The following ARHGAP6 variants were observed in gnomAD, a reference collection of about 807,000 sequenced individuals.
ARHGAP6 encodes the protein rho GTPase-activating protein 6.
A neutral mutation model predicts 55.7 loss-of-function variants in ARHGAP6; 16 were observed. The observed-to-expected ratio is 0.29, with a 90% CI of 0.19 to 0.44. The LOEUF (loss-of-function observed/expected upper bound fraction) is 0.44, where lower values mean the gene tolerates loss of function less well. Among genes scored for constraint, ARHGAP6 ranks in the 20% least tolerant of loss-of-function variants. The pLI is 1.00. For synonymous variants in ARHGAP6, 382 were observed against 360.9 expected (o/e 1.06, Z -0.66); for missense variants, 698 against 808.9 (o/e 0.86, Z 1.66).
At chrX:11,392,002 C>T (rs781519510) in intron 1 of ARHGAP6, among the ~76,000 whole-genome samples, 58 of 112,027 alleles carry the variant, frequency 5.2e-4, no homozygotes, top group South Asian at 1.8e-3. Flanking sequence ...AAGCTGGGTG[C>T]TATGTGGGCA....
At chrX:11,383,572 G>A (rs1473588469) in intron 1 of ARHGAP6, among the ~76,000 whole-genome samples, 1 of 111,176 alleles carries the variant, frequency 9.0e-6, no homozygotes, top group Non-Finnish European at 1.9e-5. Flanking sequence ...TGGCTGTACT[G>A]TTCTGACTCA....
At chrX:11,493,635 C>G (rs1450559141) in intron 1 of ARHGAP6, among the ~76,000 whole-genome samples, 2 of 110,772 alleles carry the variant, frequency 1.8e-5, no homozygotes, top group East Asian at 5.7e-4. Context: ...TATCTGGGCC[C>G]CAGACAAGTA....
rs59290872 is a variant in ARHGAP6, at chrX:11,280,745, C to CAA, written c.589-26040_589-26039dup. On this transcript the variant is annotated intron_variant, in intron 1 of 12. Coordinates refer to ENST00000337414, the MANE Select transcript of ARHGAP6 (RefSeq NM_013427.3). ...TGGGCGACAGAGCAAGACCTTGTCTCAAAAAAAAAAAAAAAAAAAATCAAA... is the reference window on the plus strand; with the variant it reads ...TGGGCGACAGAGCAAGACCTTGTCTCAAAAAAAAAAAAAAAAAAAAAATCAAA... Among the ~76,000 whole-genome samples, 47 of 53,032 alleles carry CAA rather than the reference C, an allele frequency of 8.9e-4. 1 individual carries two copies. Among genetic ancestry groups the CAA allele is most frequent in the Admixed American group, 1.8e-3 (7 of 3,817 alleles). 46.1% of individuals were successfully genotyped at this position (53,032 alleles called of 115,157 possible).
At chrX:11,662,597 T>C (rs1370997985) in intron 1 of ARHGAP6, among the ~76,000 whole-genome samples, 1 of 112,523 alleles carries the variant, frequency 8.9e-6, no homozygotes, top group Admixed American at 9.4e-5. Context: ...CCATTAATTA[T>C]GAGATGCTAA....
intron 1 of ARHGAP6, among the ~76,000 whole-genome samples, chrX:11,324,101 A>C (rs981061240): frequency 8.9e-6 from 1 of 111,755 alleles, no homozygotes; most frequent in Admixed American, 9.5e-5. Flanking sequence ...TTTACGCCCT[A>C]AAGTTACCAA....
At chrX:11,315,489 C>T (rs928569782) in intron 1 of ARHGAP6, among the ~76,000 whole-genome samples, 3 of 111,735 alleles carry the variant, frequency 2.7e-5, no homozygotes, top group Admixed American at 9.5e-5. Flanking sequence ...TACTGGTCTG[C>T]GGCCCGGGGG....
chrX:11,345,665 A>C (rs1477551140), intron 1 of ARHGAP6, among the ~76,000 whole-genome samples: 1 of 111,948 alleles, frequency 8.9e-6, no homozygotes. Flanking sequence ...GCTGCATCCC[A>C]CAGTGTCTAC....
chrX:11,347,016 A>C (rs926889156), intron 1 of ARHGAP6, among the ~76,000 whole-genome samples: 2 of 112,251 alleles, frequency 1.8e-5, no homozygotes, highest in African/African-American at 6.5e-5. Context: ...ATAATGTAAC[A>C]CATTGTTAAA....
chrX:11,167,394 G>GCCT (rs1018206151), intron 9 of ARHGAP6, among the ~76,000 whole-genome samples: 2 of 111,236 alleles, frequency 1.8e-5, no homozygotes, highest in African/African-American at 3.3e-5. Context: ...GCCAGGAAAG[G>GCCT]CCTCTATGAG....
intron 1 of ARHGAP6, among the ~76,000 whole-genome samples, chrX:11,274,467 C>T (rs2047732304): frequency 9.0e-6 from 1 of 111,561 alleles, no homozygotes; most frequent in Admixed American, 9.5e-5. Flanking sequence ...TGTTTTCTAT[C>T]TGATTCTTTA....
chrX:11,371,630 C>G (rs1296000258), intron 1 of ARHGAP6, among the ~76,000 whole-genome samples: 1 of 111,959 alleles, frequency 8.9e-6, no homozygotes, highest in Non-Finnish European at 1.9e-5. Flanking sequence ...GCAAATATCC[C>G]TTTGGTATAT....
intron 5 of ARHGAP6, among the ~76,000 whole-genome samples, chrX:11,182,627 C>T (rs1449128604): frequency 9.6e-6 from 1 of 104,154 alleles, no homozygotes. Context: ...TCTTTTTTTT[C>T]CTTTTTTCTT....
chrX:11,546,372 T>TA (rs1280654181), intron 1 of ARHGAP6, among the ~76,000 whole-genome samples: 2 of 111,126 alleles, frequency 1.8e-5, no homozygotes. Flanking sequence ...GAAATTCCTG[T>TA]AAAATATAAT....
intron 2 of ARHGAP6, 40 bp from the exon 3 acceptor site, chrX:11,197,036 T>C (rs890877904): frequency 3.7e-5 from 25 of 681,076 alleles, no homozygotes; most frequent in Non-Finnish European, 5.6e-5. Context: ...GATAAACATA[T>C]AAGTGATATT....
chrX:11,436,099 T>C (rs1272434986), intron 1 of ARHGAP6, among the ~76,000 whole-genome samples: 4 of 112,549 alleles, frequency 3.6e-5, no homozygotes, highest in African/African-American at 1.3e-4. Flanking sequence ...CTCTTGATTT[T>C]CCAAAGGGAA....
At chrX:11,559,929 A>AAATAATAATAAT (rs755756728) in intron 1 of ARHGAP6, among the ~76,000 whole-genome samples, 3,908 of 96,084 alleles carry the variant, frequency 0.041, 86 homozygotes, top group African/African-American at 0.068. Flanking sequence ...CTCGGTCTCA[A>AAATAATAATAAT]AATAATAATA....
At chrX:11,272,722 T>A (rs770078907) in intron 1 of ARHGAP6, among the ~76,000 whole-genome samples, 11 of 112,082 alleles carry the variant, frequency 9.8e-5, no homozygotes, top group Non-Finnish European at 1.9e-4. Flanking sequence ...AATTTAAAAT[T>A]GTTTTTCACG....
At chrX:11,340,289 C>T (rs1259142352) in intron 1 of ARHGAP6, among the ~76,000 whole-genome samples, 3 of 111,830 alleles carry the variant, frequency 2.7e-5, no homozygotes, top group East Asian at 5.6e-4. Flanking sequence ...CACTAGACTC[C>T]CAACTCTCTT....
At chrX:11,200,388 A>G (rs1284300939) in intron 2 of ARHGAP6, among the ~76,000 whole-genome samples, 1 of 112,463 alleles carries the variant, frequency 8.9e-6, no homozygotes, top group Non-Finnish European at 1.9e-5. Flanking sequence ...GAGACCTCAC[A>G]GACACCTGTG....
Sources: gnomAD v4.1 joint callset for allele counts (sites outside exome capture counted in the v4.1 genomes callset) on GRCh38, gnomAD v4.1.1 for gene constraint, MANE v1.5 for transcripts, NCBI Gene and HGNC (gene_info 2026-07-23, HGNC 2026-07-21) for gene names.